Variants in DSTYK observed in about 807,000 individuals in gnomAD.
DSTYK encodes the protein dual serine/threonine and tyrosine protein kinase.
A neutral mutation model predicts 98.7 loss-of-function variants in DSTYK; 34 were observed. The ratio of observed to expected loss-of-function variants is 0.34; its 90% CI spans 0.26 to 0.46. DSTYK has a LOEUF of 0.46. DSTYK is among the 20% of genes least tolerant of loss of function. The pLI, the probability that DSTYK is intolerant of heterozygous loss-of-function variation, is 1.00. For synonymous variants in DSTYK, 462 were observed against 457.3 expected (o/e 1.01, Z -0.13); for missense variants, 962 against 1,181.7 (o/e 0.81, Z 2.73).
At chr1:205,200,751 A>G (rs534553384) in intron 1 of DSTYK, among the ~76,000 whole-genome samples, 33 of 152,308 alleles carry the variant, frequency 2.2e-4, no homozygotes, top group African/African-American at 7.5e-4. Flanking sequence ...GAATATTAAG[A>G]ATTTACTTCC....
chr1:205,155,633 G>A (rs1657534806), intron 10 of DSTYK, among the ~76,000 whole-genome samples: 1 of 151,320 alleles, frequency 6.6e-6, no homozygotes, highest in Non-Finnish European at 1.5e-5. Context: ...ACTCCAGCCT[G>A]GGCAACAGAG....
At chr1:205,183,208 G>A (rs188396188) in intron 2 of DSTYK, among the ~76,000 whole-genome samples, 1 of 152,162 alleles carries the variant, frequency 6.6e-6, no homozygotes, top group Non-Finnish European at 1.5e-5. Context: ...TTGAAGGAAA[G>A]GCAGGAGGGT....
At chr1:205,174,790 G>A (rs1638902210) in intron 2 of DSTYK, among the ~76,000 whole-genome samples, 1 of 146,264 alleles carries the variant, frequency 6.8e-6, no homozygotes. Context: ...CCAGGCTGGA[G>A]TGCAATGGCA....
intron 1 of DSTYK, among the ~76,000 whole-genome samples, chr1:205,205,386 A>G (rs111771038): frequency 6.6e-6 from 1 of 152,164 alleles, no homozygotes; most frequent in South Asian, 2.1e-4. Context: ...TGCCACTTAA[A>G]CTTACTTATC....
rs1419138797 is a variant in DSTYK, at chr1:205,144,148, A to T, written c.*3410T>A. On this transcript the variant is annotated 3_prime_UTR_variant, in exon 13 of 13. Coordinates refer to ENST00000367162, the MANE Select transcript of DSTYK (RefSeq NM_015375.3). ...GCCCCAGGCTCCACCATTTCTCCTG[A>T]CTGCTCTGCAGGAAGGCCTCTCACT... The T allele has an allele frequency of 2.0e-5, 3 of 152,252 alleles. No homozygotes were observed. The highest frequency in any genetic ancestry group is 4.4e-5 in the Non-Finnish European group (3 of 68,060). The allele number at this position is 152,252 out of a possible 1,614,324, so 9.4% of individuals were successfully genotyped here.
chr1:205,167,271 G>A (rs1219905800), intron 3 of DSTYK, among the ~76,000 whole-genome samples: 1 of 152,110 alleles, frequency 6.6e-6, no homozygotes, highest in Non-Finnish European at 1.5e-5. Context: ...GTGGTGGCAT[G>A]TGCCTGTAGT....
Position 205,169,627 on chromosome 1 carries a change from T to C in DSTYK, c.860A>G (p.Glu287Gly). The C allele has an allele frequency of 1.2e-6, 2 of 1,614,168 alleles. No individual in the cohort carries two copies. Among genetic ancestry groups the C allele is most frequent in the Non-Finnish European group, 8.5e-7 (1 of 1,180,028 alleles). Residue 287 changes from glutamate (E) to glycine (G), a missense_variant, in exon 3 of 13, where the codon GAG becomes GGG. Around this residue, in one of 4 missense-constraint regions of DSTYK, gnomAD observed 660 missense variants for 855.0 expected, o/e 0.77. Transcript: ENST00000367162. The surrounding 1 kb of genome is among the most constrained non-coding windows in gnomAD (Gnocchi z 4.0). The part of the protein sequence containing the change: ...FFFKVPKLGS[E>G]IIDSSTRRME... ...TCTCCTGGTTGAGGAGTCTATTATC[T>C]CCGAGCCCAGTTTCGGCACTTTGAA...
intron 2 of DSTYK, among the ~76,000 whole-genome samples, chr1:205,184,866 T>A (rs1336907044): frequency 1.3e-5 from 2 of 152,102 alleles, no homozygotes; most frequent in Non-Finnish European, 2.9e-5. Flanking sequence ...ATTACAGGCA[T>A]AATCACTGTG....
chr1:205,173,595 T>C (rs1055866486), intron 2 of DSTYK, among the ~76,000 whole-genome samples: 1 of 152,200 alleles, frequency 6.6e-6, no homozygotes, highest in Non-Finnish European at 1.5e-5. Context: ...GAATTTTGTT[T>C]GTTTTTTCTG....
intron 2 of DSTYK, among the ~76,000 whole-genome samples, chr1:205,176,389 T>C (rs551137231): frequency 7.0e-6 from 1 of 143,718 alleles, no homozygotes; most frequent in African/African-American, 2.6e-5. Flanking sequence ...GGCAGGAGAA[T>C]TGCTTGAGCC....
chr1:205,208,768 G>C (rs1424917127), intron 1 of DSTYK, among the ~76,000 whole-genome samples: 3 of 152,114 alleles, frequency 2.0e-5, no homozygotes, highest in Non-Finnish European at 2.9e-5. Context: ...TTACAAAGAT[G>C]GCCTGTAAAT....
chr1:205,181,697 T>TGTGTGTGTGTGTGG (rs1658409689), intron 2 of DSTYK, among the ~76,000 whole-genome samples: 1 of 138,104 alleles, frequency 7.2e-6, no homozygotes, highest in Admixed American at 7.2e-5. Context: ...TGTGTGTGTG[T>TGTGTGTGTGTGTGG]GGCGGGGCAG....
chr1:205,169,456 C>T lies in DSTYK; in HGVS notation c.1031G>A (p.Ser344Asn), dbSNP rs1324562721. The T allele has an allele frequency of 6.2e-7, 1 of 1,614,128 alleles. No homozygotes were observed. Among genetic ancestry groups the T allele is most frequent in the Non-Finnish European group, 8.5e-7 (1 of 1,180,026 alleles). ...CTGTAACACCTGGTGAGAAAATGTG[C>T]TCAAGTGTCTCAGCTTTTCACTCTG... ...VEQSEKLRHL[S>N]TFSHQVLQTR... The change falls in exon 3 of 13, where the codon AGC becomes AAC. Residue 344 changes from serine (S) to asparagine (N), a missense_variant. Ser to Asn is a conservative substitution (Grantham distance 46). Transcript: ENST00000367162. The surrounding 1 kb of genome is among the most constrained non-coding windows in gnomAD (Gnocchi z 4.0).
chr1:205,179,722 T>C (rs1305157582), intron 2 of DSTYK, among the ~76,000 whole-genome samples: 1 of 149,366 alleles, frequency 6.7e-6, no homozygotes, highest in Non-Finnish European at 1.5e-5. Context: ...AAGTAAAGGC[T>C]TTGTTATCAA....
rs554315062 is a variant in DSTYK, at chr1:205,146,872, CTT to C, written c.*684_*685del. 10 of 139,956 alleles carry C rather than the reference CTT, an allele frequency of 7.1e-5. No individual in the cohort carries two copies. Among genetic ancestry groups the C allele is most frequent in the Non-Finnish European group, 7.8e-5 (5 of 63,782 alleles). 8.7% of individuals were successfully genotyped at this position (139,956 alleles called of 1,614,324 possible). A position where few individuals can be genotyped will look rare whatever the true frequency, so the allele number is the denominator to read the frequency against. On this transcript the variant is annotated 3_prime_UTR_variant, in exon 13 of 13. Coordinates refer to ENST00000367162, the MANE Select transcript of DSTYK (RefSeq NM_015375.3). ...AGGCGTGAGCCACCATGCCTGGCCT[CTT>C]TTTTTTTTTTTTTCCTCTTTTCAGG...
rs560755065 is a variant in DSTYK, at chr1:205,169,426, C to T, written c.1061G>A (p.Arg354His). The change falls in exon 3 of 13, where the codon CGC (arginine) becomes CAC (histidine). Residue 354 changes from arginine to histidine, a missense_variant. Arg to His is a conservative substitution (Grantham distance 29). Around this residue, in one of 4 missense-constraint regions of DSTYK, gnomAD observed 660 missense variants for 855.0 expected, o/e 0.77. Coordinates refer to ENST00000367162, the MANE Select transcript of DSTYK (RefSeq NM_015375.3). This position sits in a 1 kb window ranked among gnomAD's most constrained non-coding sequence, Gnocchi z 4.0. ...CAGGGCCTTGGCTGCATCCACCAGG[C>T]GAGTCTGTAACACCTGGTGAGAAAA... The part of the protein sequence containing the change: ...STFSHQVLQT[R>H]LVDAAKALNL... 3.2e-5 allele frequency: 52 copies of T among 1,614,068 alleles called. 2 individuals are homozygous for T. The highest frequency in any genetic ancestry group is 2.9e-4 in the South Asian group (26 of 91,074).
In DSTYK at chr1:205,211,670, C is replaced by A; in HGVS notation, c.-135G>T. 1 of 1,224,948 alleles carries A rather than the reference C, an allele frequency of 8.2e-7. No individual in the cohort carries two copies. The highest frequency in any genetic ancestry group is 1.1e-6 in the Non-Finnish European group (1 of 926,446). The allele number at this position is 1,224,948 out of a possible 1,614,324, so 75.9% of individuals were successfully genotyped here. ...CGCCTGCAGTCAGCCTGGCTCCCAA[C>A]CTCCGTCACTGCCGTTGCAAACAAA... is the stretch of plus-strand genomic sequence containing the variant. On this transcript the variant is annotated 5_prime_UTR_variant, in exon 1 of 13. Transcript: ENST00000367162.
intron 2 of DSTYK, among the ~76,000 whole-genome samples, chr1:205,182,410 C>G (rs1391218051): frequency 7.0e-6 from 1 of 142,204 alleles, no homozygotes; most frequent in Admixed American, 7.3e-5. Flanking sequence ...AAAGCCAAAA[C>G]AAACCAAAAC....
In DSTYK at chr1:205,169,304, G is replaced by C. The variant is rs780756514; in HGVS notation, c.1183C>G (p.Arg395Gly). 4.3e-6 allele frequency: 7 copies of C among 1,613,574 alleles called. No individual in the cohort carries two copies. The South Asian group carries it at 5.5e-5, about 13-fold the overall frequency. The change falls in exon 3 of 13, where the codon CGA becomes GGA. Residue 395 changes from arginine (R) to glycine (G), a missense_variant. Arg to Gly is a moderately radical substitution (Grantham distance 125). Transcript: ENST00000367162. This position sits in a 1 kb window ranked among gnomAD's most constrained non-coding sequence, Gnocchi z 4.0. Reference protein sequence around the residue: ...QITPKRLEYTRKKENELYESL... With the variant: ...QITPKRLEYTGKKENELYESL... ...TCATACAACTCATTCTCCTTTTTTC[G>C]AGTATATTCCAGACGTTTGGGAGTG...
Sources: gnomAD v4.1 joint callset for allele counts (sites outside exome capture counted in the v4.1 genomes callset) on GRCh38, gnomAD v4.1.1 for gene constraint, gnomAD v4.1.1 regional missense constraint, Gnocchi (gnomAD v3.1) non-coding constraint, MANE v1.5 for transcripts, NCBI Gene and HGNC (gene_info 2026-07-23, HGNC 2026-07-21) for gene names.